Variants in TRAK1 observed in about 807,000 individuals in gnomAD.
TRAK1 encodes the protein trafficking kinesin-binding protein 1.
TRAK1 carries 33 observed loss-of-function variants against 92.1 expected under a neutral mutation model. The observed-to-expected ratio is 0.36, with a 90% confidence interval of 0.27 to 0.48. The LOEUF (loss-of-function observed/expected upper bound fraction) is 0.48. Ranked by LOEUF, TRAK1 falls within the 20% of genes least tolerant of loss-of-function variation. The pLI, the probability that TRAK1 is intolerant of heterozygous loss-of-function variation, is 0.99. For synonymous variants in TRAK1, 521 were observed against 517.3 expected (o/e 1.01, Z -0.10); for missense variants, 1,123 against 1,257.9 (o/e 0.89, Z 1.62).
In TRAK1 at chr3:42,038,361, G is replaced by T. The variant is rs78253494; in HGVS notation, c.-519+24244G>T. ...TTTTTTTGAGGCAGGTTCTCACTCC[G>T]TTGTCCAGGTTGGAGTGCAGTGGTG... is the stretch of plus-strand genomic sequence containing the variant. On this transcript the variant is annotated intron_variant, in intron 1 of 16. Transcript: ENST00000487159. Among the ~76,000 whole-genome samples the T allele has an allele frequency of 9.4e-4, 143 of 152,282 alleles. 1 individual carries two copies. The East Asian group carries it at 0.027, about 29-fold the overall frequency.
At chr3:42,196,698 C>T (rs1455473149) in intron 10 of TRAK1, among the ~76,000 whole-genome samples, 5 of 106,332 alleles carry the variant, frequency 4.7e-5, no homozygotes, top group East Asian at 3.7e-4. Flanking sequence ...CCACCACGCC[C>T]GGCTAATTTT....
chr3:42,151,473 G>A, intron 2 of TRAK1: 1 of 421,346 alleles, frequency 2.4e-6, no homozygotes, highest in Non-Finnish European at 4.7e-6. Context: ...TATTGTTATT[G>A]TCTGAATGTA....
chr3:42,210,979 A>G (rs1356692040), intron 14 of TRAK1: 1 of 985,412 alleles, frequency 1.0e-6, no homozygotes, highest in Non-Finnish European at 1.2e-6. Context: ...GTTTACCCCA[A>G]CAGCATGCTC....
At chr3:42,164,484 G>A (rs79112989) in intron 2 of TRAK1, among the ~76,000 whole-genome samples, 4 of 152,196 alleles carry the variant, frequency 2.6e-5, no homozygotes, top group Non-Finnish European at 5.9e-5. Flanking sequence ...TTGCACTTGT[G>A]TAGAGTCCCT....
intron 2 of TRAK1, among the ~76,000 whole-genome samples, chr3:42,176,201 G>A (rs1703188013): frequency 6.6e-6 from 1 of 152,166 alleles, no homozygotes; most frequent in African/African-American, 2.4e-5. Flanking sequence ...GTGTGTGTGT[G>A]CAATCATAGT....
rs952656526 is a variant in TRAK1 at position 42,176,844 on chromosome 3, C to G, written c.317C>G (p.Thr106Ser). ...LLCAERVGQM[T>S]KTYNDIDAVT... ...TGTGCTGAAAGAGTTGGCCAGATGA[C>G]TAAGACATATAATGACATAGATGCT... Residue 106 changes from threonine to serine, a missense_variant, in exon 3 of 16, where the codon ACT (threonine) becomes AGT (serine). By Grantham distance (58) the Thr-to-Ser change is moderately conservative. Around this residue, in one of 3 missense-constraint regions of TRAK1, gnomAD observed 686 missense variants for 747.6 expected, o/e 0.92. Coordinates refer to ENST00000327628, the MANE Select transcript of TRAK1 (RefSeq NM_001042646.3). 2.2e-5 allele frequency: 36 copies of G among 1,613,944 alleles called. No homozygotes were observed. The highest frequency in any genetic ancestry group is 3.1e-5 in the Non-Finnish European group (36 of 1,179,982).
At chr3:42,053,304 G>T (rs933520348) in intron 1 of TRAK1, among the ~76,000 whole-genome samples, 1 of 114,418 alleles carries the variant, frequency 8.7e-6, no homozygotes, top group African/African-American at 3.3e-5. Flanking sequence ...ATAATGGACC[G>T]CCTCCCCCTC....
chr3:42,193,786 A>T, intron 8 of TRAK1, 38 bp from the exon 9 acceptor site: 1 of 1,607,958 alleles, frequency 6.2e-7, no homozygotes, highest in Non-Finnish European at 8.5e-7. Flanking sequence ...ACTTTTACCA[A>T]GTATCTTAGG....
chr3:42,194,837 A>G lies in TRAK1; in HGVS notation c.1009A>G (p.Met337Val), dbSNP rs771664475. The G allele has an allele frequency of 9.3e-6, 15 of 1,613,802 alleles. No individual in the cohort carries two copies. The East Asian group carries it at 3.1e-4, about 34-fold the overall frequency. ...GCTGGAGGACAAGTACGCAGAGTGC[A>G]TGGAGATGCTGCATGAGGCGCAGGA... ...RELEDKYAEC[M>V]EMLHEAQEEL... The change falls in exon 10 of 16, where the codon ATG (methionine) becomes GTG (valine). Residue 337 changes from methionine (M) to valine (V), a missense_variant. Coordinates refer to ENST00000327628, the MANE Select transcript of TRAK1 (RefSeq NM_001042646.3).
chr3:42,078,529 G>A (rs1363239836), intron 1 of TRAK1, among the ~76,000 whole-genome samples: 9 of 152,128 alleles, frequency 5.9e-5, no homozygotes, highest in African/African-American at 9.6e-5. Flanking sequence ...TGAGGCAGGC[G>A]GATCATGAGG....
At chr3:42,082,766 G>T (rs1364798364), upstream of TRAK1, among the ~76,000 whole-genome samples, 1 of 152,206 alleles carries the variant, frequency 6.6e-6, no homozygotes, top group African/African-American at 2.4e-5. Context: ...CAACTTCTGT[G>T]TATGGATCAG....
chr3:42,106,530 AAATAT>A (rs1707594341), intron 1 of TRAK1, among the ~76,000 whole-genome samples: 1 of 152,208 alleles, frequency 6.6e-6, no homozygotes, highest in African/African-American at 2.4e-5. Flanking sequence ...TAAAAAATAA[AAATAT>A]AATAATAACA....
chr3:42,203,598 T>C (rs564774884), intron 13 of TRAK1: 5 of 985,004 alleles, frequency 5.1e-6, no homozygotes, highest in Non-Finnish European at 6.0e-6. Flanking sequence ...TTTCATTTTT[T>C]ACTCCTTTAG....
chr3:42,115,099 C>A (rs554187970), intron 1 of TRAK1, among the ~76,000 whole-genome samples: 6 of 152,232 alleles, frequency 3.9e-5, no homozygotes, highest in African/African-American at 9.6e-5. Context: ...AAATTCAAAT[C>A]GACAGTAATA....
chr3:42,189,097 A>G lies in TRAK1; in HGVS notation c.663A>G (p.Glu221=). 6.2e-7 allele frequency: 1 copy of G among 1,614,084 alleles called. No homozygotes were observed. The highest frequency in any genetic ancestry group is 8.5e-7 in the Non-Finnish European group (1 of 1,179,906). The part of the protein sequence containing the change: ...DSLQKKLKDL[E]EENVVLRSEA... ...TTCAAAAGAAGCTGAAAGACCTTGA[A>G]GAGGAGAATGTTGTACTTCGATCCG... The change falls in exon 6 of 16, where the codon GAA becomes GAG. Residue 221 remains glutamate (E), a synonymous_variant. Coordinates refer to ENST00000327628, the MANE Select transcript of TRAK1 (RefSeq NM_001042646.3).
intron 2 of TRAK1, among the ~76,000 whole-genome samples, chr3:42,134,516 A>G (rs185048276): frequency 7.7e-4 from 115 of 148,404 alleles, no homozygotes; most frequent in East Asian, 5.9e-3. Context: ...GCCTCAAGTG[A>G]TCCACCTGCC....
At chr3:42,185,631 CA>C (rs1343329054) in intron 4 of TRAK1, among the ~76,000 whole-genome samples, 1 of 151,626 alleles carries the variant, frequency 6.6e-6, no homozygotes, top group Non-Finnish European at 1.5e-5. Context: ...TTAACTGTGA[CA>C]ACACTTCTCC....
chr3:42,092,322 A>C (rs1705179675), intron 1 of TRAK1, among the ~76,000 whole-genome samples: 1 of 152,154 alleles, frequency 6.6e-6, no homozygotes, highest in Non-Finnish European at 1.5e-5. Flanking sequence ...GAAAACAGTT[A>C]ATTCCTGAGA....
At position 42,022,884 on chromosome 3, in the gene TRAK1, C is replaced by T. The variant is rs373679499; in HGVS notation, c.-519+8767C>T. ...AAGAAAATAAATATTCCTGGCCAGG[C>T]GCAGTGGCTCACACCTGTAATCCCA... On this transcript the variant is annotated intron_variant, in intron 1 of 16. Transcript: ENST00000487159. 3.1e-3 allele frequency among the ~76,000 whole-genome samples: 466 copies of T among 151,460 alleles called. 1 individual carries two copies. The highest frequency in any genetic ancestry group is 5.2e-3 in the Non-Finnish European group (350 of 67,834).
Sources: allele counts gnomAD v4.1 joint callset (sites outside exome capture counted in the v4.1 genomes callset), GRCh38; gene constraint gnomAD v4.1.1; regional missense constraint gnomAD v4.1.1; transcripts MANE v1.5; gene names NCBI Gene and HGNC (gene_info 2026-07-23, HGNC 2026-07-21).